The following RNLS variants were observed in gnomAD, a reference collection of about 807,000 sequenced individuals.
The protein encoded by RNLS is renalase, FAD dependent amine oxidase, also known as renalase.
A neutral mutation model predicts 39.8 loss-of-function variants in RNLS; 39 were observed. That is an observed-to-expected ratio of 0.98 (90% CI 0.76 to 1.28). The LOEUF is 1.28. RNLS is among the 50% of genes most tolerant of loss of function. The pLI is 0.00. For missense variants in RNLS, 410 were observed against 413.3 expected (o/e 0.99, Z 0.07); for synonymous variants, 147 against 150.7 (o/e 0.98, Z 0.18).
At chr10:88,442,361 T>G (rs190374268) in intron 4 of RNLS, among the ~76,000 whole-genome samples, 18 of 152,324 alleles carry the variant, frequency 1.2e-4, no homozygotes, top group Middle Eastern at 3.4e-3. Context: ...TATATTCACA[T>G]GATTGGTCAT....
intron 4 of RNLS, among the ~76,000 whole-genome samples, chr10:88,523,804 A>G (rs934202790): frequency 6.6e-6 from 1 of 152,082 alleles, no homozygotes; most frequent in South Asian, 2.1e-4. Context: ...TAGGAGCCGC[A>G]TCACTACTCA....
intron 4 of RNLS, among the ~76,000 whole-genome samples, chr10:88,458,435 C>T (rs2133926362): frequency 6.6e-6 from 1 of 152,266 alleles, no homozygotes; most frequent in Non-Finnish European, 1.5e-5. Context: ...CTAAACACTT[C>T]CTACATTCAC....
At chr10:88,319,654 C>T (rs1846026523) in intron 5 of RNLS, among the ~76,000 whole-genome samples, 1 of 151,812 alleles carries the variant, frequency 6.6e-6, no homozygotes, top group Non-Finnish European at 1.5e-5. Flanking sequence ...CAGTTGGAAG[C>T]TTTAACAATA....
At chr10:88,172,469 A>G in the RNLS span, among the ~76,000 whole-genome samples, 1,119 of 152,208 alleles carry the variant, frequency 7.4e-3, 11 homozygotes, top group African/African-American at 0.024. Context: ...GGCAATTTGT[A>G]TATTTTCATT....
intron 4 of RNLS, among the ~76,000 whole-genome samples, chr10:88,378,496 C>T (rs993949595): frequency 6.6e-6 from 1 of 152,120 alleles, no homozygotes; most frequent in South Asian, 2.1e-4. Flanking sequence ...TAACTCCCAC[C>T]TCACCCCTGC....
chr10:88,383,973 T>G (rs184487294), intron 4 of RNLS, among the ~76,000 whole-genome samples: 1 of 152,230 alleles, frequency 6.6e-6, no homozygotes, highest in East Asian at 1.9e-4. Flanking sequence ...ATAAAAGAAT[T>G]CAATTTTTCT....
chr10:88,209,186 T>C, the RNLS span, among the ~76,000 whole-genome samples: 10 of 152,134 alleles, frequency 6.6e-5, no homozygotes, highest in African/African-American at 1.7e-4. Context: ...GAGTTTGATT[T>C]TGGGGACTGT....
intron 3 of RNLS, among the ~76,000 whole-genome samples, chr10:88,581,294 G>GTATATATATA (rs61477690): frequency 1.2e-3 from 162 of 129,848 alleles, no homozygotes; most frequent in South Asian, 6.1e-3. Flanking sequence ...GTGTGTGTGT[G>GTATATATATA]TATATATATA....
At chr10:88,537,014 T>C (rs1467557073) in intron 4 of RNLS, among the ~76,000 whole-genome samples, 1 of 151,980 alleles carries the variant, frequency 6.6e-6, no homozygotes, top group Non-Finnish European at 1.5e-5. Context: ...ATATTACCAA[T>C]TTTTAAAAGC....
intron 4 of RNLS, among the ~76,000 whole-genome samples, chr10:88,546,207 A>C (rs1848303244): frequency 6.6e-6 from 1 of 152,084 alleles, no homozygotes; most frequent in African/African-American, 2.4e-5. Flanking sequence ...AAGTATCATA[A>C]GTATGTTTGA....
At chr10:88,554,771 C>T (rs1848770073) in intron 4 of RNLS, among the ~76,000 whole-genome samples, 2 of 152,122 alleles carry the variant, frequency 1.3e-5, no homozygotes, top group Admixed American at 1.3e-4. Flanking sequence ...ACTTCTGTAA[C>T]TGTTCAATCT....
intron 4 of RNLS, among the ~76,000 whole-genome samples, chr10:88,424,757 A>C (rs1264611496): frequency 6.6e-6 from 1 of 152,140 alleles, no homozygotes; most frequent in Non-Finnish European, 1.5e-5. Context: ...AAAATTTTTA[A>C]CGCGTGAATG....
chr10:88,467,358 A>C (rs1341485890), intron 4 of RNLS, among the ~76,000 whole-genome samples: 1 of 152,182 alleles, frequency 6.6e-6, no homozygotes, highest in Non-Finnish European at 1.5e-5. Context: ...AAATTAGGAT[A>C]GCCTAATGGC....
chr10:88,498,930 C>A (rs914104963), intron 4 of RNLS, among the ~76,000 whole-genome samples: 9 of 152,080 alleles, frequency 5.9e-5, no homozygotes, highest in African/African-American at 2.2e-4. Flanking sequence ...ACTAAAACAA[C>A]TCATGAACTT....
chr10:88,244,507 T>C, the RNLS span, among the ~76,000 whole-genome samples: 2 of 152,196 alleles, frequency 1.3e-5, no homozygotes, highest in Non-Finnish European at 2.9e-5. Flanking sequence ...CCATTGTTTT[T>C]GGACTGCTTT....
chr10:88,242,000 A>G, the RNLS span, among the ~76,000 whole-genome samples: 3 of 151,922 alleles, frequency 2.0e-5, no homozygotes, highest in Non-Finnish European at 4.4e-5. Context: ...ATCATGTTTT[A>G]TGTGTCTGCC....
chr10:88,352,956 C>A (rs1033505367), intron 5 of RNLS, among the ~76,000 whole-genome samples: 5 of 152,144 alleles, frequency 3.3e-5, no homozygotes, highest in Non-Finnish European at 7.4e-5. Flanking sequence ...GGAATTTATC[C>A]ATTTCTTCTA....
chr10:88,479,593 TAAGCA>T (rs1844031897), intron 4 of RNLS, among the ~76,000 whole-genome samples: 1 of 152,282 alleles, frequency 6.6e-6, no homozygotes, highest in African/African-American at 2.4e-5. Flanking sequence ...TGGATTTGTC[TAAGCA>T]AAGACGACCT....
At chr10:88,396,493 TAATAA>T in intron 4 of RNLS, among the ~76,000 whole-genome samples, 1 of 151,196 alleles carries the variant, frequency 6.6e-6, no homozygotes, top group East Asian at 1.9e-4. Context: ...ATTAATAATA[TAATAA>T]ATGACAAGAA....
Sources: allele counts gnomAD v4.1 joint callset (sites outside exome capture counted in the v4.1 genomes callset), GRCh38; gene constraint gnomAD v4.1.1; transcripts MANE v1.5; gene names NCBI Gene and HGNC (gene_info 2026-07-23, HGNC 2026-07-21).